The following CUL5 variants were observed in gnomAD, a reference collection of about 807,000 sequenced individuals.
The protein encoded by CUL5 is cullin 5.
In CUL5, 26 loss-of-function variants were observed where a neutral mutation model predicts 108.8. The ratio of observed to expected loss-of-function variants is 0.24; its 90% CI spans 0.18 to 0.33. The LOEUF (loss-of-function observed/expected upper bound fraction) is 0.33. Among genes scored for constraint, CUL5 ranks in the 10% least tolerant of loss-of-function variants. The probability of loss-of-function intolerance (pLI) is 1.00; values close to 1 mark genes in which losing one functional copy is unlikely to be tolerated. For missense variants in CUL5, 524 were observed against 909.2 expected (o/e 0.58, Z 5.45); for synonymous variants, 334 against 298.0 (o/e 1.12, Z -1.25).
At chr11:108,024,946 A>C (rs1862419781) in intron 1 of CUL5, among the ~76,000 whole-genome samples, 1 of 152,208 alleles carries the variant, frequency 6.6e-6, no homozygotes, top group Admixed American at 6.5e-5. Flanking sequence ...CTTTTATTCC[A>C]ACAGTCCACC....
intron 13 of CUL5, among the ~76,000 whole-genome samples, chr11:108,091,346 C>T (rs541598481): frequency 1.4e-4 from 21 of 148,934 alleles, no homozygotes; most frequent in South Asian, 1.1e-3. Flanking sequence ...CCACCACACC[C>T]GGCCTATGTT....
intron 1 of CUL5, among the ~76,000 whole-genome samples, chr11:108,016,001 A>C (rs1862178018): frequency 1.3e-5 from 2 of 152,138 alleles, no homozygotes. Flanking sequence ...GGCTCACTGC[A>C]GTCTTGATCT....
chr11:108,078,478 A>G (rs1044549963), intron 11 of CUL5, among the ~76,000 whole-genome samples: 1 of 151,980 alleles, frequency 6.6e-6, no homozygotes, highest in African/African-American at 2.4e-5. Flanking sequence ...TAGGATCTCT[A>G]CTTGTTTTTC....
intron 5 of CUL5, among the ~76,000 whole-genome samples, chr11:108,054,025 T>C (rs1863309326): frequency 6.6e-6 from 1 of 152,158 alleles, no homozygotes; most frequent in African/African-American, 2.4e-5. Context: ...TTTGTATTTT[T>C]AGTAGAGACG....
rs541068616 is a variant in CUL5 at position 108,095,000 on chromosome 11, T to A, written c.1743+13T>A. 6.3e-7 allele frequency: 1 copy of A among 1,588,048 alleles called. No individual in the cohort carries two copies. The highest frequency in any genetic ancestry group is 1.1e-5 in the South Asian group (1 of 87,046). ...GTCAAATGGAATTGTAAGTAGATAG[T>A]GTGTTAGTTATTTCAGCTTTCAGTT... On this transcript the variant is annotated intron_variant, in intron 15 of 18. Coordinates refer to ENST00000393094, the MANE Select transcript of CUL5 (RefSeq NM_003478.6).
Position 108,095,808 on chromosome 11 carries a change from A to C in CUL5, c.1905+117A>C, listed in dbSNP as rs532125113. The C allele has an allele frequency of 7.9e-5, 78 of 985,022 alleles. No individual in the cohort carries two copies. In the African/African-American group the frequency reaches 1.2e-3, roughly 16 times the overall value. The allele number at this position is 985,022 out of a possible 1,614,324, so 61.0% of individuals were successfully genotyped here. A position where few individuals can be genotyped will look rare whatever the true frequency, so the allele number is the denominator to read the frequency against. On this transcript the variant is annotated intron_variant, in intron 16 of 18. Transcript: ENST00000393094. ...AGTTTCAGAATGTCTTATCAAGAAA[A>C]ATAGAGGCCGGGCACAGTGGATCAC...
At position 108,098,619 on chromosome 11, in the gene CUL5, AAG is replaced by A. The variant is rs1424178923; in HGVS notation, c.2148+91_2148+92del. 2.5e-5 allele frequency: 29 copies of A among 1,151,252 alleles called. No individual in the cohort carries two copies. In the Admixed American group the frequency reaches 1.0e-3, roughly 41 times the overall value. 71.3% of individuals were successfully genotyped at this position (1,151,252 alleles called of 1,614,324 possible). A position where few individuals can be genotyped will look rare whatever the true frequency, so the allele number is the denominator to read the frequency against. The stretch of plus-strand genomic sequence containing the variant: ...ATTTTGAAATCTTTTTTGAATTTAA[AAG>A]CATGTAGGGGCTAAGTGCAGTGGCC... On this transcript the variant is annotated intron_variant, in intron 18 of 18. Coordinates refer to ENST00000393094, the MANE Select transcript of CUL5 (RefSeq NM_003478.6).
chr11:108,093,438 A>G (rs1017359226), intron 13 of CUL5, among the ~76,000 whole-genome samples: 1 of 152,240 alleles, frequency 6.6e-6, no homozygotes, highest in Admixed American at 6.5e-5. Context: ...GTTCCTCAAC[A>G]CTGGCATTGT....
chr11:108,049,419 G>T (rs1863154589), intron 3 of CUL5, among the ~76,000 whole-genome samples: 1 of 151,618 alleles, frequency 6.6e-6, no homozygotes, highest in South Asian at 2.1e-4. Context: ...ATGGCTCACT[G>T]TAGCCTCAAC....
chr11:108,058,439 A>G (rs914523428), intron 7 of CUL5, among the ~76,000 whole-genome samples: 1 of 151,256 alleles, frequency 6.6e-6, no homozygotes, highest in Non-Finnish European at 1.5e-5. Context: ...TAGTAGAGAC[A>G]GGGTTTCACC....
rs565382849 is a variant in CUL5, at chr11:108,095,818, G to A, written c.1905+127G>A. ...TGTCTTATCAAGAAAAATAGAGGCC[G>A]GGCACAGTGGATCACGCCTGTAATC... On this transcript the variant is annotated intron_variant, in intron 16 of 18. Transcript: ENST00000393094. 5.8e-5 allele frequency: 49 copies of A among 841,002 alleles called. No homozygotes were observed. In the South Asian group the frequency reaches 6.5e-4, roughly 11 times the overall value. The allele number at this position is 841,002 out of a possible 1,614,324, so 52.1% of individuals were successfully genotyped here.
intron 7 of CUL5, among the ~76,000 whole-genome samples, chr11:108,065,643 C>T (rs1014390244): frequency 6.6e-6 from 1 of 152,210 alleles, no homozygotes; most frequent in Non-Finnish European, 1.5e-5. Flanking sequence ...CACACAGATT[C>T]TCCATGCCAT....
At chr11:108,096,147 A>G (rs1450825852) in intron 16 of CUL5, among the ~76,000 whole-genome samples, 1 of 151,350 alleles carries the variant, frequency 6.6e-6, no homozygotes, top group Non-Finnish European at 1.5e-5. Flanking sequence ...TATTTATGGA[A>G]AAAATAAATT....
chr11:108,049,864 C>G, intron 3 of CUL5, 26 bp from the exon 4 acceptor site: 1 of 1,572,080 alleles, frequency 6.4e-7, no homozygotes, highest in Non-Finnish European at 8.6e-7. Flanking sequence ...GCATTTATTT[C>G]AAATTGGTAC....
intron 2 of CUL5, among the ~76,000 whole-genome samples, chr11:108,035,758 A>G (rs564836424): frequency 4.4e-4 from 67 of 152,110 alleles, no homozygotes; most frequent in African/African-American, 1.5e-3. Flanking sequence ...GTCTCAAAAA[A>G]AAAAAAAAAT....
rs1864748711 is a variant in CUL5, at chr11:108,104,654, T to A, written c.*270T>A. 2.0e-5 allele frequency: 5 copies of A among 249,962 alleles called. No individual in the cohort carries two copies. In the Admixed American group the frequency reaches 2.8e-4, roughly 14 times the overall value. The allele number at this position is 249,962 out of a possible 1,614,324, so 15.5% of individuals were successfully genotyped here. A position where few individuals can be genotyped will look rare whatever the true frequency, so the allele number is the denominator to read the frequency against. ...CCATTATCAACTTTTAAAAGTGAAT[T>A]TGATTTGTACCCACCAGGAGAAATA... On this transcript the variant is annotated 3_prime_UTR_variant, in exon 19 of 19. Coordinates refer to ENST00000393094, the MANE Select transcript of CUL5 (RefSeq NM_003478.6).
Position 108,070,077 on chromosome 11 carries a change from A to G in CUL5, c.781-19A>G, listed in dbSNP as rs1437350641. On this transcript the variant is annotated intron_variant, in intron 7 of 18. Transcript: ENST00000393094. The stretch of plus-strand genomic sequence containing the variant: ...TATACAGCTTATAGTAGCCTTGACT[A>G]ATTTTTGATATATTTCAGCTCATGG... 1 of 1,560,090 alleles carries G rather than the reference A, an allele frequency of 6.4e-7. No individual in the cohort carries two copies. The highest frequency in any genetic ancestry group is 2.2e-5 in the East Asian group (1 of 44,484).
At chr11:108,020,535 A>ATTTTTT (rs34112083) in intron 1 of CUL5, among the ~76,000 whole-genome samples, 2 of 148,188 alleles carry the variant, frequency 1.3e-5, no homozygotes, top group Non-Finnish European at 3.0e-5. Flanking sequence ...TGTGTTTGTG[A>ATTTTTT]TTTTTTTTTT....
intron 7 of CUL5, among the ~76,000 whole-genome samples, chr11:108,058,158 G>A (rs1227041004): frequency 4.3e-5 from 6 of 138,204 alleles, no homozygotes; most frequent in South Asian, 5.1e-4. Context: ...GCAGTGAGCC[G>A]AGATTGCGCC....
Sources: gnomAD v4.1 joint callset for allele counts (sites outside exome capture counted in the v4.1 genomes callset) on GRCh38, gnomAD v4.1.1 for gene constraint, MANE v1.5 for transcripts, NCBI Gene and HGNC (gene_info 2026-07-23, HGNC 2026-07-21) for gene names.